Variants in CD53 observed in about 807,000 individuals in gnomAD.
CD53 encodes leukocyte surface antigen CD53.
In CD53, 20 loss-of-function variants were observed where a neutral mutation model predicts 27.3. That is an observed-to-expected ratio of 0.73 (90% CI 0.52 to 1.07). The LOEUF (loss-of-function observed/expected upper bound fraction) is 1.07. Among genes scored for constraint, CD53 ranks in the 50% least tolerant of loss-of-function variants. The probability of loss-of-function intolerance (pLI) is 0.00; values close to 1 mark genes in which losing one functional copy is unlikely to be tolerated. For missense variants in CD53, 216 were observed against 264.0 expected, an observed-to-expected ratio of 0.82 and a Z score of 1.26; for synonymous variants, 106 against 105.3, an observed-to-expected ratio of 1.01 and a Z score of -0.04.
At chr1:110,883,426 TG>T (rs1656435491) in intron 1 of CD53, among the ~76,000 whole-genome samples, 1 of 152,032 alleles carries the variant, frequency 6.6e-6, no homozygotes, top group African/African-American at 2.4e-5. Context: ...TTCTTATCAT[TG>T]TTCTATATCG....
chr1:110,894,464 A>G (rs545008534), intron 4 of CD53, 63 bp downstream of exon 4: 1 of 1,244,954 alleles, frequency 8.0e-7, no homozygotes, highest in South Asian at 1.2e-5. Context: ...GCAGTGGAGA[A>G]GTTGGTACAA....
intron 1 of CD53, among the ~76,000 whole-genome samples, chr1:110,887,809 G>A (rs551723494): frequency 1.2e-4 from 18 of 152,272 alleles, no homozygotes; most frequent in African/African-American, 4.1e-4. Context: ...GTACATGCAG[G>A]TGCTAATCAG....
intron 1 of CD53, among the ~76,000 whole-genome samples, chr1:110,881,851 C>T (rs1035685101): frequency 7.2e-5 from 11 of 152,138 alleles, no homozygotes; most frequent in Non-Finnish European, 4.4e-5. Flanking sequence ...TTTGCATTTC[C>T]TTAATGAGTA....
At chr1:110,876,440 T>C (rs1395605544) in intron 1 of CD53, among the ~76,000 whole-genome samples, 1 of 152,226 alleles carries the variant, frequency 6.6e-6, no homozygotes, top group Non-Finnish European at 1.5e-5. Context: ...TAAGCTACTA[T>C]GCTAGCAAAC....
chr1:110,896,773 T>C, intron 6 of CD53, 40 bp downstream of exon 6: 2 of 1,537,034 alleles, frequency 1.3e-6, no homozygotes, highest in Non-Finnish European at 1.8e-6. Context: ...GACCTCTTTG[T>C]TTAAATGTTT....
chr1:110,892,592 G>A, intron 3 of CD53, 59 bp downstream of exon 3: 1 of 1,369,088 alleles, frequency 7.3e-7, no homozygotes, highest in Non-Finnish European at 1.0e-6. Context: ...TAAATCCCAG[G>A]CAAGATGTTT....
In CD53 at chr1:110,895,434, C is replaced by A. The variant is rs181566577; in HGVS notation, c.423+379C>A. On this transcript the variant is annotated intron_variant, in intron 5 of 7. Transcript: ENST00000271324. ...TGCCCAAATCAGGCTTGTTACCTAG[C>A]CCACCAACATCCCATTCCTCATGTG... 2.0e-5 allele frequency among the ~76,000 whole-genome samples: 3 copies of A among 152,272 alleles called. No homozygotes were observed. The East Asian group carries it at 5.8e-4, about 29-fold the overall frequency.
intron 1 of CD53, among the ~76,000 whole-genome samples, chr1:110,884,084 A>C (rs1343572442): frequency 2.0e-5 from 3 of 151,876 alleles, no homozygotes; most frequent in Non-Finnish European, 4.4e-5. Context: ...TACTTTTTCT[A>C]GTTTCTCAAG....
chr1:110,896,861 C>A, intron 6 of CD53, 128 bp downstream of exon 6: 2 of 734,906 alleles, frequency 2.7e-6, no homozygotes, highest in Non-Finnish European at 4.5e-6. Flanking sequence ...AAAGAGAGGC[C>A]AGGGCAACAA....
At chr1:110,898,355 C>T (rs1393502641) in intron 7 of CD53, among the ~76,000 whole-genome samples, 4 of 136,180 alleles carry the variant, frequency 2.9e-5, no homozygotes, top group Non-Finnish European at 6.2e-5. Context: ...CCTGCCTGGG[C>T]GACAGAGCGA....
chr1:110,889,023 T>C (rs544164398), intron 1 of CD53, among the ~76,000 whole-genome samples: 9 of 152,352 alleles, frequency 5.9e-5, no homozygotes, highest in Admixed American at 1.3e-4. Context: ...CTTTTATTGA[T>C]TGATGTAGCT....
chr1:110,887,220 C>A (rs1005083745), intron 1 of CD53, among the ~76,000 whole-genome samples: 9 of 152,000 alleles, frequency 5.9e-5, no homozygotes, highest in African/African-American at 2.2e-4. Context: ...CCCACCACCA[C>A]GCCTGGCTAA....
chr1:110,894,236 C>T (rs1936943), intron 3 of CD53, 91 bp from the exon 4 acceptor site: 740,696 of 1,040,600 alleles, frequency 0.71, 270,124 homozygotes, highest in Admixed American at 0.76. Context: ...ACCCTGTACT[C>T]GTGCAAATGC....
chr1:110,886,871 T>A (rs868255146), intron 1 of CD53, among the ~76,000 whole-genome samples: 3,547 of 75,732 alleles, frequency 0.047, 60 homozygotes, highest in Non-Finnish European at 0.078. Context: ...ATATATATAT[T>A]TTTTTTTTCT....
At chr1:110,886,356 C>T (rs966830372) in intron 1 of CD53, among the ~76,000 whole-genome samples, 2 of 152,016 alleles carry the variant, frequency 1.3e-5, no homozygotes, top group South Asian at 4.2e-4. Flanking sequence ...GTTTCTTGTG[C>T]TTGGAGTTCA....
chr1:110,898,379 G>A (rs368857482), intron 7 of CD53, among the ~76,000 whole-genome samples: 218 of 115,516 alleles, frequency 1.9e-3, no homozygotes, highest in African/African-American at 3.0e-3. Context: ...TCTGTCTCCA[G>A]AAAAAAAAAA....
intron 2 of CD53, 66 bp downstream of exon 2, chr1:110,891,537 T>TTC: frequency 8.1e-7 from 1 of 1,241,314 alleles, no homozygotes; most frequent in Non-Finnish European, 1.2e-6. Context: ...CTCATTCCTC[T>TTC]ACTGAAGAGG....
intron 1 of CD53, among the ~76,000 whole-genome samples, chr1:110,875,790 T>C (rs1476204514): frequency 1.3e-5 from 2 of 152,046 alleles, no homozygotes; most frequent in Non-Finnish European, 2.9e-5. Context: ...GAGCTGGAGG[T>C]TGGGTGGTCA....
At chr1:110,879,584 C>T (rs748166585) in intron 1 of CD53, among the ~76,000 whole-genome samples, 14 of 151,852 alleles carry the variant, frequency 9.2e-5, no homozygotes, top group Admixed American at 2.0e-4. Flanking sequence ...TTTATCTTGG[C>T]TTTTGTTTGA....
Sources: allele counts gnomAD v4.1 joint callset (sites outside exome capture counted in the v4.1 genomes callset), GRCh38; gene constraint gnomAD v4.1.1; transcripts MANE v1.5; gene names NCBI Gene and HGNC (gene_info 2026-07-23, HGNC 2026-07-21).